MARCO: variants seen among roughly 807,000 people sequenced by gnomAD.
MARCO encodes the protein macrophage receptor with collagenous structure, also known as macrophage receptor MARCO.
In MARCO, 72 loss-of-function variants were observed where a neutral mutation model predicts 70.0. The ratio of observed to expected loss-of-function variants is 1.03; its 90% CI spans 0.85 to 1.25. The LOEUF (loss-of-function observed/expected upper bound fraction) is 1.25, where lower values mean the gene tolerates loss of function less well. MARCO is among the 50% of genes most tolerant of loss of function. The probability of loss-of-function intolerance (pLI) is 0.00; values close to 1 mark genes in which losing one functional copy is unlikely to be tolerated. For missense variants in MARCO, 696 were observed against 659.3 expected, an observed-to-expected ratio of 1.06 and a Z score of -0.61; for synonymous variants, 273 against 243.1, an observed-to-expected ratio of 1.12 and a Z score of -1.14.
chr2:118,986,786 GAGAAA>G (rs1296763283), intron 12 of MARCO, among the ~76,000 whole-genome samples: 1 of 151,812 alleles, frequency 6.6e-6, no homozygotes, highest in African/African-American at 2.4e-5. Flanking sequence ...AAGAGTGTGA[GAGAAA>G]AGAAAAGAAA....
intron 12 of MARCO, among the ~76,000 whole-genome samples, chr2:118,986,654 AAGG>A (rs1247024843): frequency 0.024 from 953 of 40,252 alleles, 94 homozygotes; most frequent in South Asian, 0.066. Context: ...AGAAAGAAAG[AAGG>A]AAGGAAGGAA....
intron 4 of MARCO, among the ~76,000 whole-genome samples, chr2:118,972,117 C>T (rs1235901216): frequency 6.6e-6 from 1 of 152,144 alleles, no homozygotes; most frequent in Non-Finnish European, 1.5e-5. Context: ...TGGAGATAAT[C>T]GACTCGCCTC....
intron 4 of MARCO, among the ~76,000 whole-genome samples, chr2:118,973,770 C>T (rs1440771706): frequency 6.6e-6 from 1 of 152,212 alleles, no homozygotes; most frequent in Non-Finnish European, 1.5e-5. Context: ...CTCAGCCAAG[C>T]TTCAGGGAAG....
intron 1 of MARCO, among the ~76,000 whole-genome samples, chr2:118,958,791 A>G (rs1573381646): frequency 6.6e-6 from 1 of 152,354 alleles, no homozygotes; most frequent in African/African-American, 2.4e-5. Context: ...ACAGTGTGGT[A>G]CCAGTATAAA....
chr2:118,975,640 ACACT>A (rs1321833583), intron 6 of MARCO, among the ~76,000 whole-genome samples: 3 of 152,282 alleles, frequency 2.0e-5, no homozygotes, highest in East Asian at 1.9e-4. Flanking sequence ...CACACCACAC[ACACT>A]CACACTCATG....
chr2:118,986,721 GAAAAGAAAGAAAGAAAGA>G (rs1680521115), intron 12 of MARCO, among the ~76,000 whole-genome samples: 6 of 88,618 alleles, frequency 6.8e-5, no homozygotes, highest in African/African-American at 5.1e-4. Context: ...AAGAAAGAAA[GAAAAGAAAGAAAGAAAGA>G]GAAAGAAAGA....
chr2:118,943,038 G>A lies in MARCO; in HGVS notation c.97+641G>A, dbSNP rs571075495. ...GAATTTGTAGCATTTGAAGTCATGG[G>A]TGGGCTTGCATTCCACAAATGAGCT... On this transcript the variant is annotated intron_variant, in intron 1 of 16. Transcript: ENST00000327097. Among the ~76,000 whole-genome samples, 4 of 152,304 alleles carry A rather than the reference G, an allele frequency of 2.6e-5. 1 individual carries two copies. The South Asian group carries it at 8.3e-4, about 32-fold the overall frequency.
intron 6 of MARCO, among the ~76,000 whole-genome samples, chr2:118,975,105 T>A (rs1052175030): frequency 7.2e-5 from 11 of 152,198 alleles, no homozygotes; most frequent in African/African-American, 2.7e-4. Context: ...TCCATTTTTT[T>A]AGACTGTTGC....
At position 118,982,151 on chromosome 2, in the gene MARCO, T is replaced by C. The variant is rs751010886; in HGVS notation, c.902-5T>C. ...ACAGCCTGGCAGTCACTACTTTCCT[T>C]TCAGGACAACCTGGACTGCAGGGTG... On this transcript the variant is annotated splice_region_variant and splice_polypyrimidine_tract_variant and intron_variant, in intron 10 of 16. Coordinates refer to ENST00000327097, the MANE Select transcript of MARCO (RefSeq NM_006770.4). 3 of 1,603,392 alleles carry C rather than the reference T, an allele frequency of 1.9e-6. No homozygotes were observed. In the Admixed American group the frequency reaches 5.0e-5, roughly 27 times the overall value.
At chr2:118,953,201 A>G (rs1679761218) in intron 1 of MARCO, among the ~76,000 whole-genome samples, 1 of 152,238 alleles carries the variant, frequency 6.6e-6, no homozygotes, top group African/African-American at 2.4e-5. Context: ...CAAATAAGGA[A>G]GGGGCATAGG....
chr2:118,952,139 C>A (rs774512539), intron 1 of MARCO, among the ~76,000 whole-genome samples: 1 of 152,074 alleles, frequency 6.6e-6, no homozygotes, highest in Non-Finnish European at 1.5e-5. Context: ...TTCTTACTAC[C>A]GGAGGTTTGT....
In MARCO at chr2:118,954,589, G is replaced by T. The variant is rs113672126; in HGVS notation, c.97+12192G>T. Among the ~76,000 whole-genome samples, 928 of 152,298 alleles carry T rather than the reference G, an allele frequency of 6.1e-3. 9 individuals carry two copies. The highest frequency in any genetic ancestry group is 9.7e-3 in the Non-Finnish European group (658 of 68,016). On this transcript the variant is annotated intron_variant, in intron 1 of 16. Coordinates refer to ENST00000327097, the MANE Select transcript of MARCO (RefSeq NM_006770.4). ...CTACAGCTGATGCTTTCTGGAAATTGCTACCTCCTGGCAGGCCAACCAGCA... is the reference window on the plus strand; with the variant it reads ...CTACAGCTGATGCTTTCTGGAAATTTCTACCTCCTGGCAGGCCAACCAGCA...
intron 6 of MARCO, among the ~76,000 whole-genome samples, chr2:118,976,346 C>G (rs1332276866): frequency 1.3e-5 from 2 of 152,170 alleles, no homozygotes; most frequent in African/African-American, 4.8e-5. Context: ...GCACTTTCTG[C>G]TTGGGCCCCA....
Position 118,981,508 on chromosome 2 carries a change from G to A in MARCO, c.865+1G>A, listed in dbSNP as rs773336730. 1.2e-5 allele frequency: 20 copies of A among 1,603,742 alleles called. No individual in the cohort carries two copies. Among genetic ancestry groups the A allele is most frequent in the Non-Finnish European group, 1.6e-5 (19 of 1,176,660 alleles). Reference sequence around the variant, plus strand: ...GACTTCGGGAGGCCAGGCCCACCAGGTAAGAGGGCACGTGGTCACATCCAC... The same window carrying A: ...GACTTCGGGAGGCCAGGCCCACCAGATAAGAGGGCACGTGGTCACATCCAC... On this transcript the variant is annotated splice_donor_variant, in intron 9 of 16. Coordinates refer to ENST00000327097, the MANE Select transcript of MARCO (RefSeq NM_006770.4). LOFTEE classifies it high-confidence loss of function.
chr2:118,947,720 A>C (rs1173699682), intron 1 of MARCO, among the ~76,000 whole-genome samples: 2 of 152,334 alleles, frequency 1.3e-5, no homozygotes, highest in South Asian at 2.1e-4. Flanking sequence ...CCAATACCAC[A>C]GTGCTTTGAT....
At position 118,994,470 on chromosome 2, in the gene MARCO, C is replaced by T. The variant is rs2104618639; in HGVS notation, c.1513C>T (p.His505Tyr). The T allele has an allele frequency of 1.2e-6, 2 of 1,613,122 alleles. No individual in the cohort carries two copies. Among genetic ancestry groups the T allele is most frequent in the Non-Finnish European group, 1.7e-6 (2 of 1,179,494 alleles). The change falls in exon 17 of 17, where the codon CAT (histidine) becomes TAT (tyrosine). Residue 505 changes from histidine to tyrosine, a missense_variant. By Grantham distance (83) the His-to-Tyr change is moderately conservative. This residue lies in a region of MARCO where 58 missense variants were observed against 62.1 expected (regional missense o/e 0.93). Transcript: ENST00000327097. ...LWSCTKNSWG[H>Y]HDCSHEEDAG... ...GAGCTGCACCAAGAATAGCTGGGGCCATCATGACTGCAGCCACGAGGAGGA... is the reference window on the plus strand; with the variant it reads ...GAGCTGCACCAAGAATAGCTGGGGCTATCATGACTGCAGCCACGAGGAGGA...
At chr2:118,970,076 C>T (rs954994769) in intron 2 of MARCO, 38 bp from the exon 3 acceptor site, 2 of 1,530,800 alleles carry the variant, frequency 1.3e-6, no homozygotes, top group Non-Finnish European at 1.8e-6. Context: ...TGCTCAAATG[C>T]CTCAGTCCCT....
rs372064217 is a variant in MARCO, at chr2:118,942,284, A to G, written c.-17A>G. ...TTCTGCTGGCTCCAGGACTTTGGCC[A>G]TCTATAAAGCTTGGCAATGAGAAAT... is the stretch of plus-strand genomic sequence containing the variant. On this transcript the variant is annotated 5_prime_UTR_variant, in exon 1 of 17. Coordinates refer to ENST00000327097, the MANE Select transcript of MARCO (RefSeq NM_006770.4). 18 of 1,581,734 alleles carry G rather than the reference A, an allele frequency of 1.1e-5. No homozygotes were observed. Among genetic ancestry groups the G allele is most frequent in the East Asian group, 2.2e-5 (1 of 44,560 alleles).
chr2:118,947,686 G>A (rs563236631), intron 1 of MARCO, among the ~76,000 whole-genome samples: 9 of 152,244 alleles, frequency 5.9e-5, no homozygotes, highest in African/African-American at 1.9e-4. Flanking sequence ...TTCTATTCCA[G>A]TGATCTATGT....
Sources: allele counts gnomAD v4.1 joint callset (sites outside exome capture counted in the v4.1 genomes callset), GRCh38; gene constraint gnomAD v4.1.1; regional missense constraint gnomAD v4.1.1; transcripts MANE v1.5; gene names NCBI Gene and HGNC (gene_info 2026-07-23, HGNC 2026-07-21).